The following CACNA2D1 variants were observed in gnomAD, a reference collection of about 807,000 sequenced individuals.
CACNA2D1 encodes the protein voltage-dependent calcium channel subunit alpha-2/delta-1.
CACNA2D1 carries 53 observed loss-of-function variants against 171.5 expected under a neutral mutation model. The observed-to-expected ratio is 0.31, with a 90% CI of 0.25 to 0.39. CACNA2D1 has a LOEUF of 0.39. Ranked by LOEUF, CACNA2D1 falls within the 10% of genes least tolerant of loss-of-function variation. The probability of loss-of-function intolerance (pLI) is 1.00; values close to 1 mark genes in which losing one functional copy is unlikely to be tolerated. For missense variants in CACNA2D1, 903 were observed against 1,299.8 expected, an observed-to-expected ratio of 0.69 and a Z score of 4.69; for synonymous variants, 442 against 443.1, an observed-to-expected ratio of 1.00 and a Z score of 0.03.
intron 38 of CACNA2D1, among the ~76,000 whole-genome samples, chr7:81,951,975 T>TG (rs1554321719): frequency 1.4e-5 from 2 of 147,376 alleles, no homozygotes; most frequent in African/African-American, 2.5e-5. Context: ...AAGTGTTTTT[T>TG]TTTTTTTTTT....
chr7:82,043,667 G>A (rs1804212297), intron 10 of CACNA2D1, among the ~76,000 whole-genome samples: 1 of 152,132 alleles, frequency 6.6e-6, no homozygotes, highest in African/African-American at 2.4e-5. Flanking sequence ...TTTTGTAAAG[G>A]CAGTCTCTAT....
At chr7:82,196,442 A>C (rs1798859908) in intron 3 of CACNA2D1, among the ~76,000 whole-genome samples, 1 of 152,014 alleles carries the variant, frequency 6.6e-6, no homozygotes, top group Non-Finnish European at 1.5e-5. Context: ...TAGCTACTGC[A>C]TTGCTACAGT....
Position 82,038,220 on chromosome 7 carries a change from G to C in CACNA2D1, c.895C>G (p.Gln299Glu). The C allele has an allele frequency of 6.2e-7, 1 of 1,613,056 alleles. No individual in the cohort carries two copies. Among genetic ancestry groups the C allele is most frequent in the Non-Finnish European group, 8.5e-7 (1 of 1,179,508 alleles). ...VNVASFNSNA[Q>E]DVSCFQHLVQ... ...AGGTGCTGAAAACAGCTTACATCCTGAGCATTGCTGTTAAACTGCAAAAGA... is the reference window on the plus strand; with the variant it reads ...AGGTGCTGAAAACAGCTTACATCCTCAGCATTGCTGTTAAACTGCAAAAGA... The change falls in exon 11 of 39, where the codon CAG becomes GAG. Residue 299 changes from glutamine to glutamate, a missense_variant. By Grantham distance (29) the Gln-to-Glu change is conservative (BLOSUM62 2). Coordinates refer to ENST00000356860, the MANE Select transcript of CACNA2D1 (RefSeq NM_000722.4).
intron 21 of CACNA2D1, among the ~76,000 whole-genome samples, chr7:81,989,703 A>G (rs562371611): frequency 5.3e-5 from 8 of 152,186 alleles, no homozygotes; most frequent in Non-Finnish European, 1.2e-4. Flanking sequence ...GTATGGGTGC[A>G]GTGTGGTGTG....
intron 6 of CACNA2D1, among the ~76,000 whole-genome samples, chr7:82,092,530 G>A (rs908457467): frequency 7.3e-5 from 10 of 137,128 alleles, no homozygotes; most frequent in Admixed American, 4.6e-4. Flanking sequence ...CCACCACCAC[G>A]CCCAGCTAAC....
chr7:82,321,557 A>C (rs1392740619), intron 3 of CACNA2D1, among the ~76,000 whole-genome samples: 3 of 152,152 alleles, frequency 2.0e-5, no homozygotes, highest in Non-Finnish European at 2.9e-5. Flanking sequence ...GGTTATTCTG[A>C]AGATGAAATT....
At chr7:81,953,625 G>C (rs1004974064) in intron 38 of CACNA2D1, among the ~76,000 whole-genome samples, 1 of 151,766 alleles carries the variant, frequency 6.6e-6, no homozygotes, top group Non-Finnish European at 1.5e-5. Flanking sequence ...ACATAGCAAC[G>C]ATTTGATAAA....
At chr7:82,435,891 C>A (rs1473490713) in intron 1 of CACNA2D1, among the ~76,000 whole-genome samples, 2 of 152,160 alleles carry the variant, frequency 1.3e-5, no homozygotes, top group Non-Finnish European at 2.9e-5. Flanking sequence ...AAATTTATAA[C>A]CAGACTTAAG....
intron 1 of CACNA2D1, among the ~76,000 whole-genome samples, chr7:82,415,719 G>T (rs1828105453): frequency 6.6e-6 from 1 of 151,188 alleles, no homozygotes; most frequent in Admixed American, 6.6e-5. Context: ...TCTTTAATCA[G>T]GCTTACTGCT....
At chr7:82,131,411 T>C (rs540953237) in intron 5 of CACNA2D1, among the ~76,000 whole-genome samples, 1 of 152,290 alleles carries the variant, frequency 6.6e-6, no homozygotes, top group South Asian at 2.1e-4. Flanking sequence ...ACACATCACT[T>C]CCTTTGTCTG....
In CACNA2D1 at chr7:81,949,229, C is replaced by T. The variant is rs558639963; in HGVS notation, c.*1163G>A. 2 of 152,142 alleles carry T rather than the reference C, an allele frequency of 1.3e-5. No homozygotes were observed. The highest frequency in any genetic ancestry group is 4.1e-4 in the South Asian group (2 of 4,828). The allele number at this position is 152,142 out of a possible 1,614,324, so 9.4% of individuals were successfully genotyped here. On this transcript the variant is annotated 3_prime_UTR_variant, in exon 39 of 39. Transcript: ENST00000356860. ...AATCTGATTTATGTACTTAAAATAT[C>T]TGTACATAGGTTATCAGGCGAAAGC...
intron 14 of CACNA2D1, 69 bp downstream of exon 14, chr7:82,013,392 G>A (rs1057412794): frequency 6.7e-6 from 4 of 599,108 alleles, no homozygotes; most frequent in Non-Finnish European, 1.0e-5. Context: ...TCCATATTGA[G>A]CATATTTAAA....
intron 3 of CACNA2D1, among the ~76,000 whole-genome samples, chr7:82,217,634 TCACACACACA>T (rs71522607): frequency 7.1e-6 from 1 of 140,232 alleles, no homozygotes; most frequent in Admixed American, 7.2e-5. Context: ...TGGCACAGTT[TCACACACACA>T]CACACACACA....
At chr7:82,370,345 A>T (rs986464083) in intron 1 of CACNA2D1, among the ~76,000 whole-genome samples, 1 of 152,006 alleles carries the variant, frequency 6.6e-6, no homozygotes, top group Non-Finnish European at 1.5e-5. Context: ...TTGGAAAATC[A>T]ATATAAGAAC....
At chr7:82,366,555 T>C (rs1239273644) in intron 1 of CACNA2D1, among the ~76,000 whole-genome samples, 2 of 150,748 alleles carry the variant, frequency 1.3e-5, no homozygotes, top group Non-Finnish European at 3.0e-5. Flanking sequence ...AAGACAATTA[T>C]GTGTTCTTTT....
Position 81,948,024 on chromosome 7 carries a change from A to T in CACNA2D1, c.*2368T>A, listed in dbSNP as rs922016952. The T allele has an allele frequency of 6.6e-6, 1 of 151,914 alleles. No homozygotes were observed. The highest frequency in any genetic ancestry group is 1.5e-5 in the Non-Finnish European group (1 of 67,836). The allele number at this position is 151,914 out of a possible 1,614,324, so 9.4% of individuals were successfully genotyped here. On this transcript the variant is annotated 3_prime_UTR_variant, in exon 39 of 39. Transcript: ENST00000356860. Reference sequence around the variant, plus strand: ...GCCAAGTTTAACCGCGATTAATACAATAACAATGTAATTGATGAAAACATA... The same window carrying T: ...GCCAAGTTTAACCGCGATTAATACATTAACAATGTAATTGATGAAAACATA...
Position 81,948,628 on chromosome 7 carries a change from G to A in CACNA2D1, c.*1764C>T, listed in dbSNP as rs554621850. 1 of 151,708 alleles carries A rather than the reference G, an allele frequency of 6.6e-6. No individual in the cohort carries two copies. Among genetic ancestry groups the A allele is most frequent in the African/African-American group, 2.4e-5 (1 of 41,370 alleles). The allele number at this position is 151,708 out of a possible 1,614,324, so 9.4% of individuals were successfully genotyped here. Reference sequence around the variant, plus strand: ...ATGTGGAGCATATTAAAGCATGCTGGATAATGTTAATAACTTTGACTTAAA... The same window carrying A: ...ATGTGGAGCATATTAAAGCATGCTGAATAATGTTAATAACTTTGACTTAAA... On this transcript the variant is annotated 3_prime_UTR_variant, in exon 39 of 39. Coordinates refer to ENST00000356860, the MANE Select transcript of CACNA2D1 (RefSeq NM_000722.4).
chr7:82,182,371 T>C (rs1370407829), intron 3 of CACNA2D1, among the ~76,000 whole-genome samples: 1 of 152,182 alleles, frequency 6.6e-6, no homozygotes, highest in Non-Finnish European at 1.5e-5. Flanking sequence ...GATTGTTGCA[T>C]ATAAGGTTCT....
chr7:82,206,190 C>T (rs1420484917), intron 3 of CACNA2D1, among the ~76,000 whole-genome samples: 1 of 151,858 alleles, frequency 6.6e-6, no homozygotes, highest in African/African-American at 2.4e-5. Context: ...AATTTACAAG[C>T]TCAGTGTGAA....
Sources: gnomAD v4.1 joint callset for allele counts (sites outside exome capture counted in the v4.1 genomes callset) on GRCh38, gnomAD v4.1.1 for gene constraint, MANE v1.5 for transcripts, NCBI Gene and HGNC (gene_info 2026-07-23, HGNC 2026-07-21) for gene names.